Variants in USH2A observed in about 807,000 individuals in gnomAD.
The protein encoded by USH2A is Usher syndrome 2A (autosomal recessive, mild).
A neutral mutation model predicts 538.9 loss-of-function variants in USH2A; 443 were observed. The ratio of observed to expected loss-of-function variants is 0.82; its 90% CI spans 0.76 to 0.89. USH2A has a LOEUF of 0.89. USH2A is among the 40% of genes least tolerant of loss of function. USH2A has a pLI of 0.00. For synonymous variants in USH2A, 2,413 were observed against 2,273.5 expected, an observed-to-expected ratio of 1.06 and a Z score of -1.75; for missense variants, 6,633 against 6,324.8, an observed-to-expected ratio of 1.05 and a Z score of -1.65.
chr1:215,793,335 G>A (rs570364921), intron 50 of USH2A, among the ~76,000 whole-genome samples: 2 of 152,000 alleles, frequency 1.3e-5, no homozygotes, highest in African/African-American at 4.8e-5. Context: ...TTGTTCATGG[G>A]GACCAAATTT....
intron 32 of USH2A, among the ~76,000 whole-genome samples, chr1:216,007,243 A>C (rs1668416248): frequency 6.6e-6 from 1 of 152,202 alleles, no homozygotes; most frequent in African/African-American, 2.4e-5. Context: ...GTATGTCTTT[A>C]TCAGCAGCAT....
At chr1:216,245,470 T>TGAGAGAGA (rs10535828) in intron 13 of USH2A, among the ~76,000 whole-genome samples, 1,872 of 114,146 alleles carry the variant, frequency 0.016, 52 homozygotes, top group African/African-American at 0.043. Flanking sequence ...AGTCCCCTTC[T>TGAGAGAGA]GAGAGAGAGA....
chr1:216,049,755 GAGCAAAGACC>G (rs1298520146), intron 30 of USH2A, among the ~76,000 whole-genome samples: 2 of 152,064 alleles, frequency 1.3e-5, no homozygotes, highest in Admixed American at 1.3e-4. Flanking sequence ...AGCCAGGATG[GAGCAAAGACC>G]AGTTCTTTGC....
chr1:216,139,441 A>G (rs1049070877), intron 21 of USH2A, among the ~76,000 whole-genome samples: 7 of 152,120 alleles, frequency 4.6e-5, no homozygotes, highest in Non-Finnish European at 7.4e-5. Flanking sequence ...AAAAAAAGAA[A>G]AAATTCATTT....
intron 9 of USH2A, among the ~76,000 whole-genome samples, chr1:216,315,183 GC>G (rs1349721512): frequency 6.6e-6 from 1 of 152,074 alleles, no homozygotes; most frequent in Non-Finnish European, 1.5e-5. Flanking sequence ...CCAATTCCTA[GC>G]TTGTATTATG....
At chr1:216,340,035 A>G (rs1476432306) in intron 4 of USH2A, among the ~76,000 whole-genome samples, 1 of 152,120 alleles carries the variant, frequency 6.6e-6, no homozygotes, top group East Asian at 1.9e-4. Context: ...CAAAAAATCA[A>G]TGAATCCAGG....
chr1:215,856,290 G>A (rs994196265), intron 44 of USH2A, among the ~76,000 whole-genome samples: 2 of 152,178 alleles, frequency 1.3e-5, no homozygotes. Context: ...CTTTACTTCT[G>A]ACAAAGGACT....
chr1:216,220,570 C>A (rs1020313622), intron 14 of USH2A, among the ~76,000 whole-genome samples: 1 of 149,620 alleles, frequency 6.7e-6, no homozygotes. Context: ...TAGAAATAAG[C>A]CAGGGAAGTC....
chr1:215,728,602 C>CACACACACACAT (rs1659902154), intron 60 of USH2A, among the ~76,000 whole-genome samples: 1 of 151,930 alleles, frequency 6.6e-6, no homozygotes, highest in African/African-American at 2.4e-5. Context: ...CACACACACA[C>CACACACACACAT]ACACGTATTT....
chr1:216,262,445 TTTGACAACAGGC>T (rs1282791681), intron 11 of USH2A, among the ~76,000 whole-genome samples: 2 of 151,788 alleles, frequency 1.3e-5, no homozygotes, highest in African/African-American at 2.4e-5. Context: ...AATCAAGAGT[TTTGACAACAGGC>T]TAGATCAAGC....
At chr1:215,922,486 A>G (rs1666127097) in intron 38 of USH2A, among the ~76,000 whole-genome samples, 1 of 152,070 alleles carries the variant, frequency 6.6e-6, no homozygotes, top group African/African-American at 2.4e-5. Flanking sequence ...TATTATACCT[A>G]TTTTTCCCTG....
intron 15 of USH2A, among the ~76,000 whole-genome samples, chr1:216,210,098 A>G (rs2035206372): frequency 1.3e-5 from 2 of 152,120 alleles, no homozygotes; most frequent in African/African-American, 4.8e-5. Context: ...AGAGGCCAAG[A>G]AGACTCTGAA....
At chr1:216,120,219 CAAAAAAAAAAA>C (rs10525093) in intron 21 of USH2A, among the ~76,000 whole-genome samples, 4 of 100,068 alleles carry the variant, frequency 4.0e-5, no homozygotes, top group African/African-American at 1.1e-4. Flanking sequence ...TACTAAATAG[CAAAAAAAAAAA>C]AAAAAAAAAA....
intron 9 of USH2A, among the ~76,000 whole-genome samples, chr1:216,307,039 A>G (rs1234968115): frequency 6.6e-6 from 1 of 151,666 alleles, no homozygotes; most frequent in African/African-American, 2.4e-5. Context: ...CTTTCAAGAG[A>G]GCATCAACGG....
chr1:216,078,866 T>C (rs2031842340), intron 26 of USH2A, among the ~76,000 whole-genome samples: 1 of 152,178 alleles, frequency 6.6e-6, no homozygotes, highest in Non-Finnish European at 1.5e-5. Context: ...TTCAAATATG[T>C]AAGACATATT....
chr1:216,002,931 GC>G lies in USH2A; in HGVS notation c.6326-2370del, dbSNP rs377266638. Reference sequence around the variant, plus strand: ...TCGCAGTGTCTGCTTATCACAGAGTGCCCCACTCACCTTTCCCCTATAAACT... The same window carrying G: ...TCGCAGTGTCTGCTTATCACAGAGTGCCCACTCACCTTTCCCCTATAAACT... On this transcript the variant is annotated intron_variant, in intron 32 of 71. Coordinates refer to ENST00000307340, the MANE Select transcript of USH2A (RefSeq NM_206933.4). Among the ~76,000 whole-genome samples, 653 of 152,170 alleles carry G rather than the reference GC, an allele frequency of 4.3e-3. 6 individuals are homozygous for G. The highest frequency in any genetic ancestry group is 0.015 in the African/African-American group (628 of 41,512).
intron 61 of USH2A, among the ~76,000 whole-genome samples, chr1:215,718,670 T>C (rs1248478180): frequency 2.6e-5 from 4 of 152,204 alleles, no homozygotes; most frequent in South Asian, 2.1e-4. Flanking sequence ...TGGTCATCTG[T>C]GTATGATTTC....
chr1:216,162,023 C>A (rs1277320769), intron 21 of USH2A, among the ~76,000 whole-genome samples: 2 of 151,952 alleles, frequency 1.3e-5, no homozygotes, highest in Non-Finnish European at 2.9e-5. Flanking sequence ...CTGGATATGG[C>A]TTTCCTTATA....
At chr1:216,329,881 A>G (rs371805083) in intron 4 of USH2A, among the ~76,000 whole-genome samples, 56 of 152,170 alleles carry the variant, frequency 3.7e-4, no homozygotes, top group African/African-American at 1.2e-3. Flanking sequence ...TGCCAACATA[A>G]TGAGATATCA....
Sources: gnomAD v4.1 joint callset for allele counts (sites outside exome capture counted in the v4.1 genomes callset) on GRCh38, gnomAD v4.1.1 for gene constraint, MANE v1.5 for transcripts, NCBI Gene and HGNC (gene_info 2026-07-23, HGNC 2026-07-21) for gene names.